Variants in CFAP47 observed in about 807,000 individuals in gnomAD.
CFAP47 encodes cilia- and flagella-associated protein 47.
Under a neutral mutation model 148.1 loss-of-function variants are expected in CFAP47, and 29 were observed. The ratio of observed to expected loss-of-function variants is 0.20; its 90% CI spans 0.15 to 0.27. The LOEUF is 0.27. CFAP47 is among the 10% of genes least tolerant of loss of function. The probability of loss-of-function intolerance (pLI) is 1.00; values close to 1 mark genes in which losing one functional copy is unlikely to be tolerated. For missense variants in CFAP47, 1,872 were observed against 1,697.5 expected, an observed-to-expected ratio of 1.10 and a Z score of -1.81; for synonymous variants, 664 against 577.3, an observed-to-expected ratio of 1.15 and a Z score of -2.15.
intron 49 of CFAP47, among the ~76,000 whole-genome samples, chrX:36,251,756 G>A (rs782592597): frequency 2.3e-4 from 26 of 111,306 alleles, no homozygotes; most frequent in African/African-American, 7.1e-4. Context: ...TTATACCCGC[G>A]TATCAACCCA....
chrX:36,261,402 C>A (rs1395262930), intron 49 of CFAP47, among the ~76,000 whole-genome samples: 4 of 88,229 alleles, frequency 4.5e-5, no homozygotes, highest in Non-Finnish European at 8.4e-5. Context: ...CATAGGACAA[C>A]AGTGGAGGGA....
At chrX:36,358,199 A>G (rs1556018704) in intron 60 of CFAP47, among the ~76,000 whole-genome samples, 1 of 111,226 alleles carries the variant, frequency 9.0e-6, no homozygotes, top group African/African-American at 3.3e-5. Context: ...AAGACTGCCA[A>G]CCTTATCCAG....
intron 59 of CFAP47, 145 bp downstream of exon 59, chrX:36,350,277 C>T (rs1941732857): frequency 5.2e-6 from 2 of 386,111 alleles, no homozygotes; most frequent in East Asian, 8.2e-5. Flanking sequence ...CATAAACATG[C>T]TCTCCCAATG....
intron 30 of CFAP47, among the ~76,000 whole-genome samples, chrX:36,093,676 A>G (rs1237162959): frequency 6.3e-5 from 7 of 111,301 alleles, no homozygotes. Flanking sequence ...GTAAAAAAAG[A>G]AACAAAATAA....
At chrX:36,204,735 C>T (rs897081781) in intron 44 of CFAP47, among the ~76,000 whole-genome samples, 5 of 111,201 alleles carry the variant, frequency 4.5e-5, no homozygotes, top group African/African-American at 6.5e-5. Context: ...AGCATTAGCA[C>T]GGGGGACATT....
intron 60 of CFAP47, among the ~76,000 whole-genome samples, chrX:36,355,100 A>G (rs1237190958): frequency 9.0e-6 from 1 of 111,486 alleles, no homozygotes; most frequent in African/African-American, 3.3e-5. Flanking sequence ...AGACATATGA[A>G]TGGTGAAAAC....
intron 15 of CFAP47, among the ~76,000 whole-genome samples, chrX:35,983,030 C>A (rs1266470883): frequency 8.9e-6 from 1 of 111,809 alleles, no homozygotes; most frequent in Non-Finnish European, 1.9e-5. Flanking sequence ...GGCATTGAAT[C>A]TGTACATTGC....
intron 51 of CFAP47, 53 bp downstream of exon 51, chrX:36,285,779 C>T: frequency 1.1e-6 from 1 of 943,287 alleles, no homozygotes; most frequent in African/African-American, 2.0e-5. Flanking sequence ...GCACTCAGAC[C>T]TTTTGTTGTA....
intron 45 of CFAP47, among the ~76,000 whole-genome samples, chrX:36,215,801 G>A (rs1280664286): frequency 9.0e-6 from 1 of 111,258 alleles, no homozygotes; most frequent in East Asian, 2.8e-4. Flanking sequence ...TAAATACTAG[G>A]GACAATAGAG....
chrX:35,968,082 A>T (rs899357141), intron 10 of CFAP47, among the ~76,000 whole-genome samples: 3 of 110,927 alleles, frequency 2.7e-5, no homozygotes, highest in Non-Finnish European at 5.7e-5. Flanking sequence ...AGTGAATGGT[A>T]TATAAAATGT....
At chrX:36,106,932 G>A (rs1161501946) in intron 33 of CFAP47, among the ~76,000 whole-genome samples, 3 of 111,302 alleles carry the variant, frequency 2.7e-5, no homozygotes, top group African/African-American at 9.8e-5. Context: ...AAAACCCATA[G>A]AATGTATAAT....
chrX:36,014,756 G>A lies in CFAP47; in HGVS notation c.3418-18G>A, dbSNP rs931843459. The A allele has an allele frequency of 3.5e-6, 1 of 289,124 alleles. No individual in the cohort carries two copies. Among genetic ancestry groups the A allele is most frequent in the African/African-American group, 2.8e-5 (1 of 35,970 alleles). The allele number at this position is 289,124 out of a possible 1,213,427, so 23.8% of individuals were successfully genotyped here. The stretch of plus-strand genomic sequence containing the variant: ...CAAAGCAAAAATTAACAAGTATAAT[G>A]TATTTTTTTTGTATCAGGTGACAGT... On this transcript the variant is annotated intron_variant, in intron 21 of 63. Coordinates refer to ENST00000378653, the MANE Select transcript of CFAP47 (RefSeq NM_001304548.2).
At chrX:35,980,732 C>T (rs1012961557) in intron 15 of CFAP47, among the ~76,000 whole-genome samples, 2 of 110,908 alleles carry the variant, frequency 1.8e-5, no homozygotes, top group African/African-American at 6.6e-5. Context: ...CTCTTCCCAA[C>T]AGGACCCTCA....
intron 55 of CFAP47, among the ~76,000 whole-genome samples, chrX:36,308,702 T>C (rs782487832): frequency 1.8e-5 from 2 of 111,474 alleles, no homozygotes; most frequent in South Asian, 3.7e-4. Flanking sequence ...ATTAAATCTA[T>C]CTAAACTGAC....
chrX:36,220,080 C>T (rs1179843703), intron 45 of CFAP47, among the ~76,000 whole-genome samples: 3 of 111,619 alleles, frequency 2.7e-5, no homozygotes, highest in African/African-American at 9.8e-5. Context: ...AAATCAGAAA[C>T]GTTTTGATCA....
chrX:36,284,558 C>T (rs1941112477), intron 50 of CFAP47, among the ~76,000 whole-genome samples: 2 of 111,283 alleles, frequency 1.8e-5, no homozygotes, highest in Non-Finnish European at 1.9e-5. Flanking sequence ...GAACGCCATA[C>T]AGTGCAATAC....
rs61629254 is a variant in CFAP47, at chrX:36,020,301, A to G, written c.3556+5389A>G. On this transcript the variant is annotated intron_variant, in intron 22 of 63. Transcript: ENST00000378653. ...ATCCACGTGCTGAGAAGAAGAATAT[A>G]TATTCTGTAGCCATTGGATGAAATG... Among the ~76,000 whole-genome samples, 602 of 112,137 alleles carry G rather than the reference A, an allele frequency of 5.4e-3. 6 individuals carry two copies. The highest frequency in any genetic ancestry group is 0.019 in the African/African-American group (577 of 30,904).
chrX:36,067,956 G>A (rs966430790), intron 27 of CFAP47, among the ~76,000 whole-genome samples: 9 of 111,431 alleles, frequency 8.1e-5, no homozygotes, highest in Admixed American at 3.8e-4. Context: ...TGGCCGCCAC[G>A]GTGATATTTA....
At position 36,147,075 on chromosome X, in the gene CFAP47, C is replaced by T. The variant is rs780253358; in HGVS notation, c.5670+1722C>T. ...AAAAAAGTATTTCTATAGCTATGGG[C>T]AAATAATAGAAACATAGACTGCTAG... On this transcript the variant is annotated intron_variant, in intron 36 of 63. Coordinates refer to ENST00000378653, the MANE Select transcript of CFAP47 (RefSeq NM_001304548.2). Among the ~76,000 whole-genome samples the T allele has an allele frequency of 4.5e-5, 5 of 111,387 alleles. No individual in the cohort carries two copies. The South Asian group carries it at 1.9e-3, about 42-fold the overall frequency.
Sources: gnomAD v4.1 joint callset for allele counts (sites outside exome capture counted in the v4.1 genomes callset) on GRCh38, gnomAD v4.1.1 for gene constraint, MANE v1.5 for transcripts, NCBI Gene and HGNC (gene_info 2026-07-23, HGNC 2026-07-21) for gene names.